The following KAZN variants were observed in gnomAD, a reference collection of about 807,000 sequenced individuals.
KAZN encodes the protein kazrin, periplakin interacting protein, also known as kazrin.
In KAZN, 40 loss-of-function variants were observed where a neutral mutation model predicts 87.4. The ratio of observed to expected loss-of-function variants is 0.46; its 90% confidence interval spans 0.36 to 0.60. The LOEUF is 0.60. Among genes scored for constraint, KAZN ranks in the 20% least tolerant of loss-of-function variants. The probability of loss-of-function intolerance (pLI) is 0.00; values close to 1 mark genes in which losing one functional copy is unlikely to be tolerated. For missense variants in KAZN, 898 were observed against 1,073.9 expected, an observed-to-expected ratio of 0.84 and a Z score of 2.29; for synonymous variants, 466 against 458.3, an observed-to-expected ratio of 1.02 and a Z score of -0.22.
At chr1:13,994,165 G>T (rs1639408117) in intron 1 of KAZN, among the ~76,000 whole-genome samples, 1 of 152,176 alleles carries the variant, frequency 6.6e-6, no homozygotes, top group African/African-American at 2.4e-5. Flanking sequence ...ACCCATGTGT[G>T]CTGTGAAGCT....
At chr1:14,851,476 A>G (rs1649432323) in intron 1 of KAZN, among the ~76,000 whole-genome samples, 2 of 152,228 alleles carry the variant, frequency 1.3e-5, no homozygotes, top group African/African-American at 4.8e-5. Flanking sequence ...CCCTTGTTGC[A>G]TGTGCAGAGG....
intron 1 of KAZN, among the ~76,000 whole-genome samples, chr1:13,976,845 C>T (rs1464181261): frequency 6.6e-6 from 1 of 152,000 alleles, no homozygotes; most frequent in East Asian, 1.9e-4. Context: ...AGCATCTCTC[C>T]TCTATTAAGC....
intron 1 of KAZN, among the ~76,000 whole-genome samples, chr1:14,907,722 CA>C (rs1321222994): frequency 6.6e-6 from 1 of 152,094 alleles, no homozygotes; most frequent in African/African-American, 2.4e-5. Context: ...ATATTCCTGG[CA>C]GGGGGGTGGA....
Position 15,004,404 on chromosome 1 carries a change from T to G in KAZN, c.419-30345T>G, listed in dbSNP as rs115771903. Among the ~76,000 whole-genome samples the G allele has an allele frequency of 3.0e-3, 456 of 152,294 alleles. 1 individual carries two copies. The highest frequency in any genetic ancestry group is 0.01 in the African/African-American group (426 of 41,568). On this transcript the variant is annotated intron_variant, in intron 2 of 14. Coordinates refer to ENST00000376030, the MANE Select transcript of KAZN (RefSeq NM_201628.3). The stretch of plus-strand genomic sequence containing the variant: ...GTGAAAGAATCTGGAGAAAGAATAC[T>G]CCAGAGTCTGTGGGCATGGCTCTCA...
chr1:14,167,981 T>C (rs529148850), intron 1 of KAZN, among the ~76,000 whole-genome samples: 15 of 152,156 alleles, frequency 9.9e-5, no homozygotes, highest in Non-Finnish European at 1.9e-4. Context: ...GGAGTCAAGT[T>C]AGTCTCCTTC....
In KAZN at chr1:15,041,331, C is replaced by CTT. The variant is rs71000360; in HGVS notation, c.556-2644_556-2643dup. On this transcript the variant is annotated intron_variant, in intron 3 of 14. Coordinates refer to ENST00000376030, the MANE Select transcript of KAZN (RefSeq NM_201628.3). ...GTATTCTACTCTCCGCATTTTTTTT[C>CTT]TTTTTTTTTTTTTTTGTTTTTTTGA... Among the ~76,000 whole-genome samples the CTT allele has an allele frequency of 2.9e-3, 326 of 114,100 alleles. 1 individual carries two copies. Among genetic ancestry groups the CTT allele is most frequent in the African/African-American group, 4.2e-3 (118 of 28,306 alleles). The allele number at this position is 114,100 out of a possible 152,430, so 74.9% of individuals were successfully genotyped here.
intron 1 of KAZN, among the ~76,000 whole-genome samples, chr1:13,989,586 A>G (rs1329915344): frequency 6.6e-6 from 1 of 152,160 alleles, no homozygotes; most frequent in African/African-American, 2.4e-5. Flanking sequence ...TCATTCATTC[A>G]TTTATATATG....
At chr1:14,292,722 G>A (rs1385327628) in intron 2 of KAZN, among the ~76,000 whole-genome samples, 1 of 152,206 alleles carries the variant, frequency 6.6e-6, no homozygotes, top group Non-Finnish European at 1.5e-5. Context: ...CTGCGTGTTG[G>A]TGCATGGAAG....
chr1:14,805,482 G>T (rs747057244), intron 1 of KAZN, among the ~76,000 whole-genome samples: 2 of 152,160 alleles, frequency 1.3e-5, no homozygotes, highest in Admixed American at 6.5e-5. Context: ...TACTAGGCCG[G>T]GTGCGGTGTC....
intron 2 of KAZN, among the ~76,000 whole-genome samples, chr1:14,582,513 T>C (rs902142010): frequency 2.0e-5 from 3 of 152,178 alleles, no homozygotes; most frequent in Non-Finnish European, 2.9e-5. Context: ...AGTTGATCCA[T>C]GTTGCAAAGG....
chr1:14,175,877 C>G (rs1646063138), intron 1 of KAZN, among the ~76,000 whole-genome samples: 1 of 152,120 alleles, frequency 6.6e-6, no homozygotes, highest in Non-Finnish European at 1.5e-5. Flanking sequence ...GAAAATGAGG[C>G]ATAAATTGAG....
At chr1:14,808,263 A>C (rs903415085) in intron 1 of KAZN, among the ~76,000 whole-genome samples, 13 of 148,456 alleles carry the variant, frequency 8.8e-5, no homozygotes, top group African/African-American at 3.2e-4. Context: ...CAGGGGCAGG[A>C]GACATTGTTC....
chr1:14,420,704 C>G (rs1286766688), intron 2 of KAZN, among the ~76,000 whole-genome samples: 1 of 152,184 alleles, frequency 6.6e-6, no homozygotes, highest in Non-Finnish European at 1.5e-5. Context: ...CAGGCCGTCT[C>G]TGCTGGGGGA....
Position 14,156,940 on chromosome 1 carries a change from T to A in KAZN, c.92-23495T>A, listed in dbSNP as rs1377436878. Among the ~76,000 whole-genome samples the A allele has an allele frequency of 2.0e-5, 3 of 151,722 alleles. No homozygotes were observed. The East Asian group carries it at 5.8e-4, about 29-fold the overall frequency. On this transcript the variant is annotated intron_variant, in intron 1 of 16. Transcript: ENST00000636203. Reference sequence around the variant, plus strand: ...TTTTTTTTTTTTCCTTGTCTTTTTTTGGTGAAGGTGATGTTTCTTTGGTGA... The same window carrying A: ...TTTTTTTTTTTTCCTTGTCTTTTTTAGGTGAAGGTGATGTTTCTTTGGTGA...
chr1:14,527,283 G>A (rs1671924734), intron 2 of KAZN, among the ~76,000 whole-genome samples: 1 of 152,192 alleles, frequency 6.6e-6, no homozygotes, highest in Non-Finnish European at 1.5e-5. Context: ...GGGCGCTGTG[G>A]CTTACGCCTG....
rs144994252 is a variant in KAZN, at chr1:14,120,763, C to T, written c.92-59672C>T. ...TACCCATGCATCCTTCTGCTGCTAA[C>T]TGTGTCTGATCTTGCTTTCTCCAAC... On this transcript the variant is annotated intron_variant, in intron 1 of 16. Transcript: ENST00000636203. Among the ~76,000 whole-genome samples, 422 of 152,314 alleles carry T rather than the reference C, an allele frequency of 2.8e-3. 1 individual carries two copies. Among genetic ancestry groups the T allele is most frequent in the African/African-American group, 9.4e-3 (392 of 41,558 alleles).
At chr1:14,415,233 AT>A (rs1292257707) in intron 2 of KAZN, among the ~76,000 whole-genome samples, 9 of 152,118 alleles carry the variant, frequency 5.9e-5, no homozygotes, top group African/African-American at 1.7e-4. Context: ...ATTATAAAAT[AT>A]TTTTTTAATT....
chr1:14,200,957 A>G (rs1232329335), intron 2 of KAZN, among the ~76,000 whole-genome samples: 4 of 152,138 alleles, frequency 2.6e-5, no homozygotes, highest in East Asian at 1.9e-4. Flanking sequence ...TTGTTACTCA[A>G]ACACAAACTT....
At chr1:14,379,159 G>T (rs1661159300) in intron 2 of KAZN, among the ~76,000 whole-genome samples, 1 of 151,046 alleles carries the variant, frequency 6.6e-6, no homozygotes, top group Admixed American at 6.6e-5. Context: ...CAACTGGCCT[G>T]AAAGGAAGGA....
Sources: allele counts gnomAD v4.1 joint callset (sites outside exome capture counted in the v4.1 genomes callset), GRCh38; gene constraint gnomAD v4.1.1; transcripts MANE v1.5; gene names NCBI Gene and HGNC (gene_info 2026-07-23, HGNC 2026-07-21).